The following TSPAN9 variants were observed in gnomAD, a reference collection of about 807,000 sequenced individuals.
TSPAN9 encodes the protein tetraspanin 9, also known as tetraspanin-9.
Under a neutral mutation model 31.0 loss-of-function variants are expected in TSPAN9, and 16 were observed. That is an observed-to-expected ratio of 0.52 (90% CI 0.35 to 0.78). The LOEUF (loss-of-function observed/expected upper bound fraction) is 0.78. TSPAN9 is among the 30% of genes least tolerant of loss of function. The pLI is 0.01. For synonymous variants in TSPAN9, 145 were observed against 121.6 expected (o/e 1.19, Z -1.27); for missense variants, 272 against 312.5 (o/e 0.87, Z 0.98).
chr12:3,230,978 G>C (rs2098390442), intron 3 of TSPAN9, among the ~76,000 whole-genome samples: 1 of 152,162 alleles, frequency 6.6e-6, no homozygotes, highest in Non-Finnish European at 1.5e-5. Flanking sequence ...GGGGGCGGGG[G>C]TGTATGCTAT....
Position 3,170,801 on chromosome 12 carries a change from G to A in TSPAN9, c.-17-30376G>A, listed in dbSNP as rs920947625. Among the ~76,000 whole-genome samples the A allele has an allele frequency of 2.6e-5, 4 of 152,178 alleles. No individual in the cohort carries two copies. The highest frequency in any genetic ancestry group is 5.9e-5 in the Non-Finnish European group (4 of 68,028). On this transcript the variant is annotated intron_variant, in intron 2 of 8. Transcript: ENST00000011898. The surrounding 1 kb of genome is among the most constrained non-coding windows in gnomAD (Gnocchi z 4.4). Reference sequence around the variant, plus strand: ...GTGGGGCTGCTGGCTGAGGCTTCGAGGTCCACCATCACCTCGTTTTCTGCC... The same window carrying A: ...GTGGGGCTGCTGGCTGAGGCTTCGAAGTCCACCATCACCTCGTTTTCTGCC...
intron 2 of TSPAN9, among the ~76,000 whole-genome samples, chr12:3,154,821 T>C (rs1439005427): frequency 6.6e-6 from 1 of 152,246 alleles, no homozygotes; most frequent in African/African-American, 2.4e-5. Context: ...GGACCTGCCA[T>C]GATTCCATGA....
rs533666789 is a variant in TSPAN9, at chr12:3,109,172, G to A, written c.-18+25453G>A. Among the ~76,000 whole-genome samples the A allele has an allele frequency of 2.4e-4, 36 of 151,744 alleles. No homozygotes were observed. In the South Asian group the frequency reaches 3.1e-3, roughly 13 times the overall value. ...AGGATGGTCTCGATCTCCTGACCTC[G>A]TGATCCGCCCGCCTTGGCCTCCCAG... On this transcript the variant is annotated intron_variant, in intron 2 of 8. Transcript: ENST00000011898.
At chr12:3,161,306 A>G (rs2098345045) in intron 2 of TSPAN9, among the ~76,000 whole-genome samples, 1 of 152,232 alleles carries the variant, frequency 6.6e-6, no homozygotes, top group African/African-American at 2.4e-5. Context: ...TATCTAAGGC[A>G]TAATTGCCAA....
At position 3,268,897 on chromosome 12, in the gene TSPAN9, TCTGTGTTCCTGCAGCCTGCC is replaced by T. The variant is rs1467448042; in HGVS notation, c.64-9501_64-9482del. On this transcript the variant is annotated intron_variant, in intron 3 of 8. Coordinates refer to ENST00000011898, the MANE Select transcript of TSPAN9 (RefSeq NM_006675.5). ...CTGTGCGTTCCTGCAGCCTGCCCTC[TCTGTGTTCCTGCAGCCTGCC>T]CTGTGTTCCTGCAGCCTGCCCTCTC... Among the ~76,000 whole-genome samples, 86 of 102,602 alleles carry T rather than the reference TCTGTGTTCCTGCAGCCTGCC, an allele frequency of 8.4e-4. 2 individuals carry two copies. The highest frequency in any genetic ancestry group is 4.3e-3 in the East Asian group (9 of 2,094). The allele number at this position is 102,602 out of a possible 152,430, so 67.3% of individuals were successfully genotyped here. A position where few individuals can be genotyped will look rare whatever the true frequency, so the allele number is the denominator to read the frequency against.
chr12:3,109,434 G>T (rs1293346112), intron 2 of TSPAN9, among the ~76,000 whole-genome samples: 4 of 151,870 alleles, frequency 2.6e-5, no homozygotes. Flanking sequence ...ATTGGAACTT[G>T]TGTGTGTATG....
Position 3,280,576 on chromosome 12 carries a change from C to T in TSPAN9, c.432+93C>T, listed in dbSNP as rs1316192873. 1 of 1,187,030 alleles carries T rather than the reference C, an allele frequency of 8.4e-7. No individual in the cohort carries two copies. Among genetic ancestry groups the T allele is most frequent in the Non-Finnish European group, 1.2e-6 (1 of 834,276 alleles). 73.5% of individuals were successfully genotyped at this position (1,187,030 alleles called of 1,614,324 possible). ...CTTCCCCGGTGACCTGGCCGGGCACCTGTGCTTTCTGGATTTTAGCCGGGA... is the reference window on the plus strand; with the variant it reads ...CTTCCCCGGTGACCTGGCCGGGCACTTGTGCTTTCTGGATTTTAGCCGGGA... On this transcript the variant is annotated intron_variant, in intron 6 of 8. Transcript: ENST00000011898. The surrounding 1 kb of genome is among the most constrained non-coding windows in gnomAD (Gnocchi z 4.5).
At chr12:3,109,037 A>G (rs533319133) in intron 2 of TSPAN9, among the ~76,000 whole-genome samples, 128 of 151,554 alleles carry the variant, frequency 8.4e-4, no homozygotes, top group South Asian at 4.0e-3. Context: ...TCGGGTTTAC[A>G]CCATTCTCCT....
chr12:3,208,569 G>A (rs1029093068), intron 3 of TSPAN9, among the ~76,000 whole-genome samples: 1 of 152,198 alleles, frequency 6.6e-6, no homozygotes, highest in Non-Finnish European at 1.5e-5. Context: ...GATTCCACTG[G>A]GCAGCTTGGC....
At chr12:3,224,501 G>C (rs1235750873) in intron 3 of TSPAN9, among the ~76,000 whole-genome samples, 1 of 152,252 alleles carries the variant, frequency 6.6e-6, no homozygotes, top group African/African-American at 2.4e-5. Flanking sequence ...CAGTGAGCTG[G>C]GGGCAGAGGC....
chr12:3,271,747 G>A (rs1329562520), intron 3 of TSPAN9, among the ~76,000 whole-genome samples: 6 of 152,072 alleles, frequency 3.9e-5, no homozygotes, highest in Non-Finnish European at 8.8e-5. Context: ...CTGCTCTCTT[G>A]CCTTCCCTGC....
intron 2 of TSPAN9, among the ~76,000 whole-genome samples, chr12:3,189,364 C>T (rs186213506): frequency 1.9e-4 from 29 of 152,300 alleles, no homozygotes; most frequent in African/African-American, 6.0e-4. Context: ...GCCCCAGTGA[C>T]AAGCTTGAGT....
chr12:3,224,467 G>T (rs1430370930), intron 3 of TSPAN9, among the ~76,000 whole-genome samples: 3 of 152,252 alleles, frequency 2.0e-5, no homozygotes, highest in Non-Finnish European at 2.9e-5. Context: ...CCTACAGAAG[G>T]AAAGGAGCTT....
intron 2 of TSPAN9, among the ~76,000 whole-genome samples, chr12:3,196,600 T>C (rs552134301): frequency 1.4e-4 from 21 of 152,332 alleles, no homozygotes; most frequent in African/African-American, 3.6e-4. Flanking sequence ...TAAAGACTTA[T>C]ACGTTAAAGT....
intron 3 of TSPAN9, among the ~76,000 whole-genome samples, chr12:3,216,731 C>T (rs1043916903): frequency 1.3e-5 from 2 of 152,238 alleles, no homozygotes; most frequent in African/African-American, 2.4e-5. Flanking sequence ...TGTGGATCCC[C>T]TAAGGGGTCA....
intron 2 of TSPAN9, among the ~76,000 whole-genome samples, chr12:3,103,904 A>G (rs2098312981): frequency 1.3e-5 from 2 of 152,198 alleles, no homozygotes; most frequent in African/African-American, 4.8e-5. Context: ...GGAGACAGAC[A>G]ATGAAAATTG....
chr12:3,141,984 T>A (rs1188878962), intron 2 of TSPAN9, among the ~76,000 whole-genome samples: 1 of 152,184 alleles, frequency 6.6e-6, no homozygotes, highest in Non-Finnish European at 1.5e-5. Flanking sequence ...CTTTCCCATG[T>A]GGCCAGCAGG....
intron 3 of TSPAN9, among the ~76,000 whole-genome samples, chr12:3,225,386 C>T (rs2098386670): frequency 1.3e-5 from 2 of 152,096 alleles, no homozygotes; most frequent in Non-Finnish European, 2.9e-5. Context: ...GTGGCGGTCA[C>T]AGCATTTTCT....
intron 3 of TSPAN9, among the ~76,000 whole-genome samples, chr12:3,209,177 G>A (rs1247152072): frequency 6.6e-6 from 1 of 151,328 alleles, no homozygotes; most frequent in Non-Finnish European, 1.5e-5. Context: ...GGAGGTTGCA[G>A]TGAGCCAAGA....
Sources: gnomAD v4.1 joint callset for allele counts (sites outside exome capture counted in the v4.1 genomes callset) on GRCh38, gnomAD v4.1.1 for gene constraint, Gnocchi (gnomAD v3.1) non-coding constraint, MANE v1.5 for transcripts, NCBI Gene and HGNC (gene_info 2026-07-23, HGNC 2026-07-21) for gene names.